The following ANKRD12 variants were observed in gnomAD, a reference collection of about 807,000 sequenced individuals.
The protein encoded by ANKRD12 is ankyrin repeat domain 12.
In ANKRD12, 85 loss-of-function variants were observed where a neutral mutation model predicts 183.4. The ratio of observed to expected loss-of-function variants is 0.46; its 90% CI spans 0.39 to 0.56. The LOEUF (loss-of-function observed/expected upper bound fraction) is 0.56. ANKRD12 is among the 20% of genes least tolerant of loss of function. The pLI, the probability that ANKRD12 is intolerant of heterozygous loss-of-function variation, is 0.00. For missense variants in ANKRD12, 2,405 were observed against 2,357.1 expected (o/e 1.02, Z -0.42); for synonymous variants, 914 against 800.2 (o/e 1.14, Z -2.40).
At chr18:9,153,689 A>G (rs1166635121) in intron 1 of ANKRD12, among the ~76,000 whole-genome samples, 1 of 151,948 alleles carries the variant, frequency 6.6e-6, no homozygotes, top group Non-Finnish European at 1.5e-5. Flanking sequence ...ATTTTTTTCA[A>G]GTACTTTGTT....
chr18:9,204,140 A>AG (rs1394127577), intron 3 of ANKRD12, among the ~76,000 whole-genome samples: 1 of 150,338 alleles, frequency 6.7e-6, no homozygotes, highest in African/African-American at 2.4e-5. Flanking sequence ...AACCAGCGAT[A>AG]GAGTACTGGC....
intron 1 of ANKRD12, among the ~76,000 whole-genome samples, chr18:9,162,016 C>T (rs2031491426): frequency 6.6e-6 from 1 of 152,176 alleles, no homozygotes; most frequent in East Asian, 1.9e-4. Context: ...GGGCATGCCA[C>T]CACACCCAGC....
intron 1 of ANKRD12, among the ~76,000 whole-genome samples, chr18:9,172,595 C>T (rs941720365): frequency 1.3e-5 from 2 of 152,212 alleles, no homozygotes; most frequent in Admixed American, 1.3e-4. Flanking sequence ...CCTCTCTAAA[C>T]TGGCTATACT....
chr18:9,189,063 CAA>C (rs2034289446), intron 2 of ANKRD12, among the ~76,000 whole-genome samples: 1 of 151,848 alleles, frequency 6.6e-6, no homozygotes, highest in African/African-American at 2.4e-5. Context: ...GCCAGTTAAC[CAA>C]GAGAGGAATG....
At chr18:9,269,268 A>G (rs952441512) in intron 10 of ANKRD12, among the ~76,000 whole-genome samples, 25 of 152,316 alleles carry the variant, frequency 1.6e-4, no homozygotes, top group Middle Eastern at 3.4e-3. Flanking sequence ...GGAAAAAACT[A>G]CTTTAAAGTT....
Position 9,279,559 on chromosome 18 carries a change from G to A in ANKRD12, c.5918G>A (p.Ser1973Asn), listed in dbSNP as rs1382767523. The A allele has an allele frequency of 1.6e-5, 25 of 1,595,136 alleles. No individual in the cohort carries two copies. The highest frequency in any genetic ancestry group is 1.9e-5 in the Non-Finnish European group (22 of 1,170,770). The change falls in exon 12 of 13, where the codon AGT becomes AAT. Residue 1973 changes from serine to asparagine, a missense_variant. Transcript: ENST00000262126. ...NVPLDSQSDD[S>N]KTSVRDRFNA... ...ACTTTTCTCTTTTAGTCTGATGACA[G>A]TAAAACTTCTGTGAGGGATCGCTTT...
At chr18:9,241,647 T>G (rs1567955168) in intron 8 of ANKRD12, among the ~76,000 whole-genome samples, 1 of 152,204 alleles carries the variant, frequency 6.6e-6, no homozygotes, top group Non-Finnish European at 1.5e-5. Context: ...TACAGCATGG[T>G]AGGCAATGAG....
At position 9,253,527 on chromosome 18, in the gene ANKRD12, T is replaced by C. The variant is rs142685150; in HGVS notation, c.944-684T>C. ...AATGATAGAATTTCATTCTTTTCTA[T>C]GGCTGAATAATATTCCACTGTGTAT... On this transcript the variant is annotated intron_variant, in intron 8 of 12. Transcript: ENST00000262126. 6.2e-3 allele frequency among the ~76,000 whole-genome samples: 950 copies of C among 152,366 alleles called. 10 individuals are homozygous for C. Among genetic ancestry groups the C allele is most frequent in the African/African-American group, 0.021 (891 of 41,584 alleles).
Position 9,255,870 on chromosome 18 carries a change from A to G in ANKRD12, c.2603A>G (p.Lys868Arg). ...CTTAGTGAATGTGTTGATAAAATAA[A>G]AGAAAAGGACAAGCTATATTCGCAT... ...LDLSECVDKI[K>R]EKDKLYSHHT... Residue 868 changes from lysine to arginine, a missense_variant, in exon 9 of 13, where the codon AAA becomes AGA. Physicochemically the swap from Lys to Arg is conservative, Grantham distance 26 (BLOSUM62 2). This residue lies in a region of ANKRD12 where 1,983 missense variants were observed against 1,725.9 expected (regional missense o/e 1.15). Coordinates refer to ENST00000262126, the MANE Select transcript of ANKRD12 (RefSeq NM_015208.5). 6.3e-7 allele frequency: 1 copy of G among 1,592,928 alleles called. No homozygotes were observed. Among genetic ancestry groups the G allele is most frequent in the Non-Finnish European group, 8.5e-7 (1 of 1,174,436 alleles).
intron 8 of ANKRD12, among the ~76,000 whole-genome samples, chr18:9,238,990 C>G (rs1309995604): frequency 6.6e-6 from 1 of 152,122 alleles, no homozygotes; most frequent in African/African-American, 2.4e-5. Flanking sequence ...GGCATGGTGG[C>G]ACGCACCAGG....
intron 11 of ANKRD12, among the ~76,000 whole-genome samples, 182 bp from the exon 12 acceptor site, chr18:9,279,367 A>G (rs1006502928): frequency 1.3e-5 from 2 of 152,194 alleles, no homozygotes; most frequent in Non-Finnish European, 2.9e-5. Context: ...TCTAATAACC[A>G]ATCTGTCTAC....
intron 1 of ANKRD12, among the ~76,000 whole-genome samples, chr18:9,142,025 T>A (rs1440555258): frequency 6.6e-6 from 1 of 152,146 alleles, no homozygotes; most frequent in Non-Finnish European, 1.5e-5. Context: ...CCCTCCCTAG[T>A]AGCTGGGATT....
intron 10 of ANKRD12, among the ~76,000 whole-genome samples, chr18:9,268,425 G>A (rs1410404368): frequency 6.6e-6 from 1 of 152,178 alleles, no homozygotes; most frequent in Non-Finnish European, 1.5e-5. Flanking sequence ...TATCCACCAT[G>A]ATCAAGTGGG....
intron 11 of ANKRD12, among the ~76,000 whole-genome samples, chr18:9,277,622 C>T (rs1027692381): frequency 2.0e-5 from 3 of 151,424 alleles, no homozygotes; most frequent in Admixed American, 6.6e-5. Flanking sequence ...CCACCGCGCC[C>T]GGCCGACACC....
chr18:9,269,571 A>G lies in ANKRD12; in HGVS notation c.5763+5683A>G, dbSNP rs566122148. ...CTGGGAAAACTGGCTAGCCAAATGT[A>G]GAAAGCTGAAACTGGATCCCTTCCT... On this transcript the variant is annotated intron_variant, in intron 10 of 12. Transcript: ENST00000262126. Among the ~76,000 whole-genome samples, 7 of 152,394 alleles carry G rather than the reference A, an allele frequency of 4.6e-5. No homozygotes were observed. The South Asian group carries it at 1.4e-3, about 32-fold the overall frequency.
At chr18:9,242,183 T>A (rs948300977) in intron 8 of ANKRD12, among the ~76,000 whole-genome samples, 1 of 152,156 alleles carries the variant, frequency 6.6e-6, no homozygotes, top group Admixed American at 6.6e-5. Flanking sequence ...TTCTTTGAAG[T>A]TCATATAAAT....
chr18:9,142,407 T>G (rs1172363069), intron 1 of ANKRD12, among the ~76,000 whole-genome samples: 3 of 152,304 alleles, frequency 2.0e-5, no homozygotes, highest in South Asian at 4.1e-4. Context: ...TAATGTTAGA[T>G]TCCTTTGAAA....
Position 9,281,414 on chromosome 18 carries a change from T to C in ANKRD12, c.*288T>C. On this transcript the variant is annotated 3_prime_UTR_variant, in exon 13 of 13. Coordinates refer to ENST00000262126, the MANE Select transcript of ANKRD12 (RefSeq NM_015208.5). Reference sequence around the variant, plus strand: ...GGTATTTAAAAAGTTGAGAATCTGCTAACAGCGCTGGAAGTTGTTAGCGCT... The same window carrying C: ...GGTATTTAAAAAGTTGAGAATCTGCCAACAGCGCTGGAAGTTGTTAGCGCT... 4.6e-6 allele frequency: 1 copy of C among 218,392 alleles called. No individual in the cohort carries two copies. Among genetic ancestry groups the C allele is most frequent in the Non-Finnish European group, 8.9e-6 (1 of 112,844 alleles). 13.5% of individuals were successfully genotyped at this position (218,392 alleles called of 1,614,324 possible). A position where few individuals can be genotyped will look rare whatever the true frequency, so the allele number is the denominator to read the frequency against.
At chr18:9,278,902 GC>G (rs1235329825) in intron 11 of ANKRD12, among the ~76,000 whole-genome samples, 1 of 152,056 alleles carries the variant, frequency 6.6e-6, no homozygotes, top group African/African-American at 2.4e-5. Context: ...GTGTACCTAA[GC>G]ATTATGATGA....
Sources: allele counts gnomAD v4.1 joint callset (sites outside exome capture counted in the v4.1 genomes callset), GRCh38; gene constraint gnomAD v4.1.1; regional missense constraint gnomAD v4.1.1; transcripts MANE v1.5; gene names NCBI Gene and HGNC (gene_info 2026-07-23, HGNC 2026-07-21).